Variants in STXBP5 observed in about 807,000 individuals in gnomAD.
STXBP5 encodes syntaxin binding protein 5.
STXBP5 carries 50 observed loss-of-function variants against 152.4 expected under a neutral mutation model. The ratio of observed to expected loss-of-function variants is 0.33; its 90% CI spans 0.26 to 0.42. The LOEUF (loss-of-function observed/expected upper bound fraction) is 0.42, where lower values mean the gene tolerates loss of function less well. STXBP5 is among the 10% of genes least tolerant of loss of function. The probability of loss-of-function intolerance (pLI) is 1.00; values close to 1 mark genes in which losing one functional copy is unlikely to be tolerated. For missense variants in STXBP5, 1,167 were observed against 1,388.6 expected (o/e 0.84, Z 2.54); for synonymous variants, 492 against 494.7 (o/e 0.99, Z 0.07).
At chr6:147,346,750 C>A (rs1031147398) in intron 21 of STXBP5, among the ~76,000 whole-genome samples, 12 of 151,824 alleles carry the variant, frequency 7.9e-5, no homozygotes, top group African/African-American at 2.2e-4. Context: ...AAAAAAAATA[C>A]AAACTTTTAG....
chr6:147,312,143 T>C (rs560960411), intron 11 of STXBP5, among the ~76,000 whole-genome samples: 69 of 152,266 alleles, frequency 4.5e-4, no homozygotes, highest in African/African-American at 1.7e-3. Flanking sequence ...CCTGAAACAC[T>C]AGTTGTTTCA....
chr6:147,376,127 G>A (rs1785799414), intron 26 of STXBP5, among the ~76,000 whole-genome samples: 2 of 152,152 alleles, frequency 1.3e-5, no homozygotes, highest in Non-Finnish European at 2.9e-5. Flanking sequence ...CAAAATAAAG[G>A]TGTATGGCAT....
intron 21 of STXBP5, among the ~76,000 whole-genome samples, chr6:147,345,680 C>A (rs982409535): frequency 5.9e-5 from 9 of 152,046 alleles, no homozygotes; most frequent in African/African-American, 1.9e-4. Context: ...ATTTCAGATT[C>A]TAAAAAGTGA....
intron 3 of STXBP5, 103 bp from the exon 4 acceptor site, chr6:147,239,067 A>C: frequency 9.9e-7 from 1 of 1,010,346 alleles, no homozygotes; most frequent in South Asian, 2.0e-5. Flanking sequence ...CTGTTGGCAG[A>C]AAGTTTTGAA....
intron 5 of STXBP5, 114 bp downstream of exon 5, chr6:147,260,863 T>C: frequency 3.8e-6 from 5 of 1,300,376 alleles, no homozygotes; most frequent in Non-Finnish European, 5.2e-6. Context: ...ACAGATGTTC[T>C]TAATATTAAG....
chr6:147,262,469 T>A, intron 6 of STXBP5, 116 bp downstream of exon 6: 1 of 569,760 alleles, frequency 1.8e-6, no homozygotes, highest in East Asian at 3.2e-5. Flanking sequence ...GAAGGTTGTG[T>A]ATCATATACA....
chr6:147,374,159 A>T (rs866626052), intron 26 of STXBP5, among the ~76,000 whole-genome samples: 2 of 152,190 alleles, frequency 1.3e-5, no homozygotes, highest in African/African-American at 4.8e-5. Context: ...GATAACCTTA[A>T]CTTTGAAAAA....
chr6:147,326,954 G>A (rs1305966628), intron 17 of STXBP5, among the ~76,000 whole-genome samples, 171 bp from the exon 18 acceptor site: 2 of 152,330 alleles, frequency 1.3e-5, no homozygotes, highest in East Asian at 3.9e-4. Flanking sequence ...GATCTAAACA[G>A]TTCCGTGAGT....
chr6:147,290,564 T>C (rs1413074941), intron 8 of STXBP5, among the ~76,000 whole-genome samples: 1 of 152,192 alleles, frequency 6.6e-6, no homozygotes, highest in East Asian at 1.9e-4. Context: ...TAATTAGAAT[T>C]CTTTGGCAAA....
At chr6:147,360,007 A>G (rs1351772345) in intron 23 of STXBP5, among the ~76,000 whole-genome samples, 1 of 152,234 alleles carries the variant, frequency 6.6e-6, no homozygotes, top group African/African-American at 2.4e-5. Flanking sequence ...GACACTTCTC[A>G]AAGGAAGACA....
At chr6:147,213,434 A>ATGTG (rs1159372834) in intron 2 of STXBP5, among the ~76,000 whole-genome samples, 9,747 of 84,834 alleles carry the variant, frequency 0.11, 452 homozygotes, top group Non-Finnish European at 0.15. Flanking sequence ...AATTTTATAT[A>ATGTG]TGTGTGTGTG....
intron 25 of STXBP5, among the ~76,000 whole-genome samples, chr6:147,370,587 G>T (rs192419905): frequency 1.3e-5 from 2 of 151,806 alleles, no homozygotes; most frequent in Admixed American, 1.3e-4. Context: ...TTTTCAAATG[G>T]ACTATAATAT....
chr6:147,374,191 C>A (rs535894406), intron 26 of STXBP5, among the ~76,000 whole-genome samples: 27 of 152,256 alleles, frequency 1.8e-4, no homozygotes, highest in African/African-American at 5.8e-4. Flanking sequence ...AACATTTAAT[C>A]TGTCTTTCAA....
chr6:147,360,962 A>G (rs1484601624), intron 23 of STXBP5, among the ~76,000 whole-genome samples: 1 of 152,204 alleles, frequency 6.6e-6, no homozygotes, highest in Non-Finnish European at 1.5e-5. Context: ...AGCCATCTTT[A>G]CATTAAATAA....
intron 4 of STXBP5, among the ~76,000 whole-genome samples, chr6:147,242,114 T>C (rs925954059): frequency 1.3e-5 from 2 of 151,614 alleles, no homozygotes; most frequent in South Asian, 2.1e-4. Context: ...GACAGTGAGA[T>C]TGATGATCCT....
chr6:147,235,447 A>G (rs116897001), intron 3 of STXBP5, 116 bp downstream of exon 3: 10,745 of 755,062 alleles, frequency 0.014, 101 homozygotes, highest in Non-Finnish European at 0.017. Context: ...AAATTAATTT[A>G]TAATGGATCA....
At chr6:147,381,047 C>T (rs1268974936) in intron 26 of STXBP5, among the ~76,000 whole-genome samples, 1 of 152,068 alleles carries the variant, frequency 6.6e-6, no homozygotes, top group African/African-American at 2.4e-5. Context: ...AGGGGAACTG[C>T]CCTTTATAAA....
intron 21 of STXBP5, among the ~76,000 whole-genome samples, chr6:147,343,211 G>T (rs1177493992): frequency 1.3e-5 from 2 of 152,000 alleles, no homozygotes; most frequent in Non-Finnish European, 2.9e-5. Context: ...TGTTTCCAAG[G>T]TTACTTTTAT....
chr6:147,283,909 G>A (rs529725191), intron 8 of STXBP5, among the ~76,000 whole-genome samples: 18 of 152,224 alleles, frequency 1.2e-4, no homozygotes, highest in South Asian at 1.0e-3. Flanking sequence ...TCTTCAGTTT[G>A]TCTTTTTATT....
Sources: allele counts gnomAD v4.1 joint callset (sites outside exome capture counted in the v4.1 genomes callset), GRCh38; gene constraint gnomAD v4.1.1; transcripts MANE v1.5; gene names NCBI Gene and HGNC (gene_info 2026-07-23, HGNC 2026-07-21).